Variants in PRKAG2 observed in about 807,000 individuals in gnomAD.
The protein encoded by PRKAG2 is 5'-AMP-activated protein kinase subunit gamma-2.
In PRKAG2, 26 loss-of-function variants were observed where a neutral mutation model predicts 69.6. That is an observed-to-expected ratio of 0.37 (90% CI 0.27 to 0.52). The LOEUF (loss-of-function observed/expected upper bound fraction) is 0.52, where lower values mean the gene tolerates loss of function less well. PRKAG2 is among the 20% of genes least tolerant of loss of function. The pLI, the probability that PRKAG2 is intolerant of heterozygous loss-of-function variation, is 0.90. For missense variants in PRKAG2, 557 were observed against 740.0 expected, an observed-to-expected ratio of 0.75 and a Z score of 2.87; for synonymous variants, 293 against 285.0, an observed-to-expected ratio of 1.03 and a Z score of -0.28.
intron 3 of PRKAG2, among the ~76,000 whole-genome samples, chr7:151,693,195 G>A (rs1054765890): frequency 6.6e-6 from 1 of 152,204 alleles, no homozygotes; most frequent in Non-Finnish European, 1.5e-5. Flanking sequence ...CTCTACAGCG[G>A]CTCTTGGCAC....
intron 1 of PRKAG2, among the ~76,000 whole-genome samples, chr7:151,867,435 G>A (rs904009312): frequency 2.0e-5 from 3 of 152,162 alleles, no homozygotes; most frequent in African/African-American, 7.2e-5. Flanking sequence ...ATATTCCGAG[G>A]CTCGTGGCAG....
intron 5 of PRKAG2, among the ~76,000 whole-genome samples, chr7:151,602,996 C>T (rs1816492553): frequency 6.6e-6 from 1 of 152,220 alleles, no homozygotes; most frequent in African/African-American, 2.4e-5. Context: ...AATTACCCAC[C>T]CAGTCTCAGG....
chr7:151,612,100 C>T (rs777562835), intron 5 of PRKAG2, among the ~76,000 whole-genome samples: 12 of 152,126 alleles, frequency 7.9e-5, no homozygotes, highest in Admixed American at 2.0e-4. Context: ...GGGAGGACAG[C>T]GACACCAGCA....
chr7:151,824,137 G>A (rs900322529), intron 1 of PRKAG2, among the ~76,000 whole-genome samples: 4 of 152,180 alleles, frequency 2.6e-5, no homozygotes, highest in African/African-American at 7.2e-5. Context: ...AGTAAACTGA[G>A]AGGCAATTCC....
At chr7:151,580,715 C>T (rs1430345824) in intron 6 of PRKAG2, among the ~76,000 whole-genome samples, 1 of 151,090 alleles carries the variant, frequency 6.6e-6, no homozygotes, top group Non-Finnish European at 1.5e-5. Context: ...ATGTTCTCAT[C>T]CATTTGTGGG....
intron 2 of PRKAG2, among the ~76,000 whole-genome samples, chr7:151,782,122 AT>A (rs1198275629): frequency 2.0e-5 from 3 of 151,956 alleles, no homozygotes; most frequent in African/African-American, 4.8e-5. Context: ...AAATAAAAAA[AT>A]AAAAAAAAAA....
chr7:151,641,713 G>A (rs1467043406), intron 4 of PRKAG2, among the ~76,000 whole-genome samples: 1 of 151,350 alleles, frequency 6.6e-6, no homozygotes, highest in Non-Finnish European at 1.5e-5. Flanking sequence ...CCTGGCTAAT[G>A]TTGCCCAGGC....
chr7:151,654,695 T>A (rs1049735224), intron 4 of PRKAG2, among the ~76,000 whole-genome samples: 4 of 152,122 alleles, frequency 2.6e-5, no homozygotes, highest in African/African-American at 9.7e-5. Flanking sequence ...CAGGATATGC[T>A]GGGTTTTTCT....
At chr7:151,773,350 T>C (rs1329762427) in intron 3 of PRKAG2, among the ~76,000 whole-genome samples, 2 of 152,208 alleles carry the variant, frequency 1.3e-5, no homozygotes, top group Non-Finnish European at 1.5e-5. Flanking sequence ...ATTATTGGTT[T>C]ATAGATCCCT....
intron 5 of PRKAG2, among the ~76,000 whole-genome samples, chr7:151,629,670 A>C (rs1823912208): frequency 6.6e-6 from 1 of 152,210 alleles, no homozygotes; most frequent in African/African-American, 2.4e-5. Flanking sequence ...ATCAGTTATA[A>C]CTTATTAGGA....
chr7:151,565,456 T>A, intron 12 of PRKAG2, 73 bp from the exon 13 acceptor site: 1 of 1,129,098 alleles, frequency 8.9e-7, no homozygotes, highest in Non-Finnish European at 1.3e-6. Flanking sequence ...TCAGTTTTAA[T>A]GACATAATTA....
intron 4 of PRKAG2, among the ~76,000 whole-genome samples, chr7:151,663,571 G>C (rs1830625845): frequency 6.6e-6 from 1 of 152,078 alleles, no homozygotes; most frequent in South Asian, 2.1e-4. Context: ...CCGTGTTGAG[G>C]CTGGTCTCGA....
At chr7:151,829,964 G>A (rs2078987553) in intron 1 of PRKAG2, among the ~76,000 whole-genome samples, 1 of 151,786 alleles carries the variant, frequency 6.6e-6, no homozygotes, top group Admixed American at 6.6e-5. Flanking sequence ...CAATGAGCCT[G>A]CCTCCATTGG....
intron 1 of PRKAG2, among the ~76,000 whole-genome samples, chr7:151,874,180 GTATATGTATATGTA>G (rs2080302825): frequency 3.1e-5 from 4 of 129,214 alleles, no homozygotes; most frequent in African/African-American, 9.3e-5. Context: ...TGATGTATAT[GTATATGTATATGTA>G]TATGATGTAT....
chr7:151,820,338 T>C (rs2078737915), intron 1 of PRKAG2, among the ~76,000 whole-genome samples: 1 of 152,210 alleles, frequency 6.6e-6, no homozygotes, highest in Non-Finnish European at 1.5e-5. Context: ...TCACGATTAC[T>C]CCTCCACACC....
intron 3 of PRKAG2, among the ~76,000 whole-genome samples, chr7:151,710,607 C>T (rs191648535): frequency 1.6e-3 from 251 of 152,344 alleles, no homozygotes; most frequent in African/African-American, 5.4e-3. Flanking sequence ...TCTCCCAGGG[C>T]GCAGCCACCC....
intron 4 of PRKAG2, among the ~76,000 whole-genome samples, chr7:151,634,542 C>A (rs1051534147): frequency 8.5e-5 from 13 of 152,198 alleles, no homozygotes; most frequent in African/African-American, 2.4e-4. Flanking sequence ...AAAATACTTG[C>A]AAATCACATA....
chr7:151,671,310 G>A (rs1225452104), intron 4 of PRKAG2, among the ~76,000 whole-genome samples: 1 of 151,312 alleles, frequency 6.6e-6, no homozygotes, highest in Non-Finnish European at 1.5e-5. Context: ...TTTACAGAAA[G>A]TATCTTTTTA....
chr7:151,876,575 T>C lies in PRKAG2; in HGVS notation c.46A>G (p.Ser16Gly). The C allele has an allele frequency of 6.2e-7, 1 of 1,610,534 alleles. No individual in the cohort carries two copies. The highest frequency in any genetic ancestry group is 8.5e-7 in the Non-Finnish European group (1 of 1,179,950). Residue 16 changes from serine to glycine, a missense_variant, in exon 1 of 16, where the codon AGC (serine) becomes GGC (glycine). Around this residue, in one of 2 missense-constraint regions of PRKAG2, gnomAD observed 352 missense variants for 356.7 expected, o/e 0.99. Coordinates refer to ENST00000287878, the MANE Select transcript of PRKAG2 (RefSeq NM_016203.4). ...MDTKKKKDVSSPGGSGGKKNA... is the reference protein window; with the variant it reads ...MDTKKKKDVSGPGGSGGKKNA... The stretch of plus-strand genomic sequence containing the variant: ...TTCTTGCCGCCGCTCCCGCCGGGGC[T>C]GGAAACATCTTTTTTCTTCTTGGTG...
Sources: gnomAD v4.1 joint callset for allele counts (sites outside exome capture counted in the v4.1 genomes callset) on GRCh38, gnomAD v4.1.1 for gene constraint, gnomAD v4.1.1 regional missense constraint, MANE v1.5 for transcripts, NCBI Gene and HGNC (gene_info 2026-07-23, HGNC 2026-07-21) for gene names.